Variants in DOK5 observed in about 807,000 individuals in gnomAD.
DOK5 encodes docking protein 5, also known as downstream of tyrosine kinase 5.
A neutral mutation model predicts 43.3 loss-of-function variants in DOK5; 27 were observed. The observed-to-expected ratio is 0.62, with a 90% CI of 0.46 to 0.86. DOK5 has a LOEUF of 0.86. Ranked by LOEUF, DOK5 falls within the 40% of genes least tolerant of loss-of-function variation. DOK5 has a pLI of 0.00. For missense variants in DOK5, 373 were observed against 392.9 expected (o/e 0.95, Z 0.43); for synonymous variants, 146 against 140.1 (o/e 1.04, Z -0.30).
chr20:54,535,631 T>C (rs1983937059), intron 1 of DOK5, among the ~76,000 whole-genome samples: 1 of 152,112 alleles, frequency 6.6e-6, no homozygotes, highest in Non-Finnish European at 1.5e-5. Flanking sequence ...AATTTATTCA[T>C]CTTGAGGTTC....
chr20:54,575,742 A>G (rs1204481559), intron 2 of DOK5, among the ~76,000 whole-genome samples: 2 of 152,202 alleles, frequency 1.3e-5, no homozygotes, highest in Non-Finnish European at 2.9e-5. Flanking sequence ...TTTGTAAGAA[A>G]TATTTGCTGG....
intron 2 of DOK5, among the ~76,000 whole-genome samples, chr20:54,568,983 CAA>C (rs10542523): frequency 0.035 from 3,391 of 96,234 alleles, 77 homozygotes; most frequent in African/African-American, 0.075. Flanking sequence ...GACTAAAACG[CAA>C]AAAAAAAAAA....
chr20:54,563,632 TC>T (rs1249786967), intron 2 of DOK5, among the ~76,000 whole-genome samples: 4 of 151,004 alleles, frequency 2.6e-5, no homozygotes, highest in Non-Finnish European at 4.4e-5. Flanking sequence ...TTATTGCCTG[TC>T]CCCTTTGCTT....
chr20:54,604,818 T>C (rs1028231071), intron 5 of DOK5, among the ~76,000 whole-genome samples: 1 of 151,844 alleles, frequency 6.6e-6, no homozygotes, highest in African/African-American at 2.4e-5. Flanking sequence ...CTGGCCAAGA[T>C]GGTGAAACCC....
At chr20:54,565,017 T>C (rs1396485838) in intron 2 of DOK5, among the ~76,000 whole-genome samples, 1 of 152,172 alleles carries the variant, frequency 6.6e-6, no homozygotes, top group Non-Finnish European at 1.5e-5. Context: ...CCATTTTTTT[T>C]CTCTTCCTTC....
At chr20:54,491,193 G>T (rs1329151998) in intron 1 of DOK5, among the ~76,000 whole-genome samples, 3 of 152,170 alleles carry the variant, frequency 2.0e-5, no homozygotes, top group Non-Finnish European at 4.4e-5. Flanking sequence ...GTTTCTTCTA[G>T]TAACCACAAG....
chr20:54,616,948 C>A (rs867842625), intron 6 of DOK5, among the ~76,000 whole-genome samples: 106 of 152,046 alleles, frequency 7.0e-4, no homozygotes, highest in Middle Eastern at 6.8e-3. Flanking sequence ...TGCCACCACA[C>A]CCGGCTAATT....
At chr20:54,632,960 C>A (rs1346288527) in intron 6 of DOK5, among the ~76,000 whole-genome samples, 2 of 152,046 alleles carry the variant, frequency 1.3e-5, no homozygotes, top group Admixed American at 1.3e-4. Flanking sequence ...CCCTGTAATC[C>A]CAGCTTCTCC....
intron 2 of DOK5, among the ~76,000 whole-genome samples, chr20:54,573,010 G>A (rs1568790171): frequency 6.6e-6 from 1 of 152,158 alleles, no homozygotes. Context: ...CACAGCAGAC[G>A]AAATCCTGAC....
At chr20:54,600,303 C>T (rs1986266309) in intron 5 of DOK5, among the ~76,000 whole-genome samples, 1 of 152,072 alleles carries the variant, frequency 6.6e-6, no homozygotes, top group Non-Finnish European at 1.5e-5. Flanking sequence ...GGGGAGCCCT[C>T]AGGGGCTGTG....
intron 1 of DOK5, chr20:54,476,230 T>C: frequency 1.0e-6 from 1 of 983,372 alleles, no homozygotes; most frequent in Non-Finnish European, 1.2e-6. Context: ...CTTGGCTTTC[T>C]GATGGTGGCC....
chr20:54,642,117 G>A (rs529851714), intron 6 of DOK5, among the ~76,000 whole-genome samples: 40 of 152,164 alleles, frequency 2.6e-4, no homozygotes, highest in Admixed American at 3.9e-4. Context: ...TCTTGCATGC[G>A]TTGACCCCGT....
chr20:54,531,400 A>C (rs1270507708), intron 1 of DOK5, among the ~76,000 whole-genome samples: 2 of 152,242 alleles, frequency 1.3e-5, no homozygotes, highest in Admixed American at 1.3e-4. Context: ...AATTCACTAT[A>C]GATAGAACAC....
chr20:54,616,784 C>CTTTTTTTTTTTTTTT (rs550110589), intron 6 of DOK5, among the ~76,000 whole-genome samples: 10 of 105,750 alleles, frequency 9.5e-5, no homozygotes, highest in Non-Finnish European at 1.3e-4. Flanking sequence ...TTTTTTTTTT[C>CTTTTTTTTTTTTTTT]TTTTTTTTTT....
chr20:54,514,924 C>A (rs1470981421), intron 1 of DOK5, among the ~76,000 whole-genome samples: 5 of 151,802 alleles, frequency 3.3e-5, no homozygotes, highest in Admixed American at 3.3e-4. Context: ...TTCTTCCTTC[C>A]TTCATTTCTT....
intron 4 of DOK5, among the ~76,000 whole-genome samples, chr20:54,591,314 C>G (rs1985967459): frequency 6.6e-6 from 1 of 151,982 alleles, no homozygotes; most frequent in Non-Finnish European, 1.5e-5. Flanking sequence ...TTGCTTTAGT[C>G]TTTTATTGGC....
intron 6 of DOK5, among the ~76,000 whole-genome samples, chr20:54,634,357 C>A (rs994557889): frequency 2.0e-5 from 3 of 150,468 alleles, no homozygotes; most frequent in Non-Finnish European, 4.4e-5. Flanking sequence ...AGCCAGTTGT[C>A]GGTCAGGTCT....
chr20:54,640,144 G>A (rs1345876333), intron 6 of DOK5, among the ~76,000 whole-genome samples: 1 of 152,192 alleles, frequency 6.6e-6, no homozygotes, highest in Non-Finnish European at 1.5e-5. Flanking sequence ...AGGACCCAGA[G>A]AAAACACAAG....
intron 1 of DOK5, among the ~76,000 whole-genome samples, chr20:54,536,401 AG>A (rs1268526567): frequency 1.3e-5 from 2 of 152,234 alleles, no homozygotes; most frequent in African/African-American, 4.8e-5. Context: ...GGCTTATAAA[AG>A]TATTTACAGG....
Sources: gnomAD v4.1 joint callset for allele counts (sites outside exome capture counted in the v4.1 genomes callset) on GRCh38, gnomAD v4.1.1 for gene constraint, MANE v1.5 for transcripts, NCBI Gene and HGNC (gene_info 2026-07-23, HGNC 2026-07-21) for gene names.